COL10A1: variants seen among roughly 807,000 people sequenced by gnomAD.
The protein encoded by COL10A1 is collagen type X alpha 1 chain.
Under a neutral mutation model 18.2 loss-of-function variants are expected in COL10A1, and 10 were observed. The ratio of observed to expected loss-of-function variants is 0.55; its 90% CI spans 0.34 to 0.93. The LOEUF (loss-of-function observed/expected upper bound fraction) is 0.93. Ranked by LOEUF, COL10A1 falls within the 40% of genes least tolerant of loss-of-function variation. The probability of loss-of-function intolerance (pLI) is 0.02; values close to 1 mark genes in which losing one functional copy is unlikely to be tolerated. For missense variants in COL10A1, 897 were observed against 853.5 expected (o/e 1.05, Z -0.64); for synonymous variants, 330 against 316.6 (o/e 1.04, Z -0.45).
chr6:116,200,759 C>G, the COL10A1 span, among the ~76,000 whole-genome samples: 1 of 152,094 alleles, frequency 6.6e-6, no homozygotes, highest in Admixed American at 6.6e-5. Flanking sequence ...TAGCTTGGAG[C>G]AGTTTCAGGT....
intron 2 of COL10A1, among the ~76,000 whole-genome samples, chr6:116,123,471 C>G (rs970783129): frequency 6.6e-6 from 1 of 152,242 alleles, no homozygotes; most frequent in African/African-American, 2.4e-5. Context: ...ATGCCACAAA[C>G]TGAAATCGTG....
chr6:116,151,648 A>G (rs1780041837), intron 1 of COL10A1, among the ~76,000 whole-genome samples: 1 of 152,234 alleles, frequency 6.6e-6, no homozygotes, highest in Non-Finnish European at 1.5e-5. Context: ...TATTGGATTT[A>G]GGGTTACATT....
upstream of COL10A1, among the ~76,000 whole-genome samples, chr6:116,128,312 A>G (rs1053327853): frequency 2.6e-5 from 4 of 152,166 alleles, no homozygotes; most frequent in Admixed American, 1.3e-4. Context: ...TCCAAAACAG[A>G]TTGTAGAATC....
At chr6:116,203,913 T>G in the COL10A1 span, among the ~76,000 whole-genome samples, 1 of 151,932 alleles carries the variant, frequency 6.6e-6, no homozygotes, top group Non-Finnish European at 1.5e-5. Context: ...CTATAATTAT[T>G]ATCATAATTT....
At chr6:116,144,608 T>C (rs1214752984) in intron 1 of COL10A1, among the ~76,000 whole-genome samples, 2 of 152,186 alleles carry the variant, frequency 1.3e-5, no homozygotes, top group African/African-American at 4.8e-5. Context: ...AATATTTGGG[T>C]GTATTTAAAT....
chr6:116,130,156 C>G (rs1403387490), upstream of COL10A1, among the ~76,000 whole-genome samples: 2 of 152,024 alleles, frequency 1.3e-5, no homozygotes, highest in Admixed American at 1.3e-4. Context: ...AAGAAAAACA[C>G]CCCTTCATCA....
At chr6:116,135,862 T>C (rs1191826393) in intron 1 of COL10A1, among the ~76,000 whole-genome samples, 9 of 106,136 alleles carry the variant, frequency 8.5e-5, no homozygotes, top group African/African-American at 1.1e-4. Flanking sequence ...TATATATATA[T>C]ATATATATAT....
At chr6:116,146,463 G>A (rs887575399) in intron 1 of COL10A1, among the ~76,000 whole-genome samples, 2 of 152,160 alleles carry the variant, frequency 1.3e-5, no homozygotes, top group African/African-American at 4.8e-5. Context: ...CAAAATGGGG[G>A]AAAGAAATCC....
At chr6:116,158,054 T>G (rs886093802) in intron 1 of COL10A1, among the ~76,000 whole-genome samples, 4 of 152,216 alleles carry the variant, frequency 2.6e-5, no homozygotes, top group Non-Finnish European at 5.9e-5. Context: ...CATCACATAT[T>G]GGCAGCTTCA....
upstream of COL10A1, among the ~76,000 whole-genome samples, chr6:116,160,596 T>A (rs1582843564): frequency 6.6e-6 from 1 of 152,198 alleles, no homozygotes; most frequent in Admixed American, 6.5e-5. Context: ...TTATTTCTTG[T>A]CCTGTGCAGA....
chr6:116,200,030 A>G, the COL10A1 span, among the ~76,000 whole-genome samples: 1 of 151,832 alleles, frequency 6.6e-6, no homozygotes, highest in South Asian at 2.1e-4. Context: ...GCAGTGGGGC[A>G]ACCTGACAAA....
chr6:116,146,200 A>G (rs1215325464), intron 1 of COL10A1, among the ~76,000 whole-genome samples: 1 of 152,206 alleles, frequency 6.6e-6, no homozygotes, highest in Admixed American at 6.5e-5. Flanking sequence ...GGGATATGAT[A>G]AAGGAATATA....
intron 1 of COL10A1, among the ~76,000 whole-genome samples, chr6:116,157,232 T>TC (rs982708964): frequency 1.4e-4 from 21 of 152,278 alleles, no homozygotes; most frequent in African/African-American, 2.9e-4. Context: ...AAATGAGGAT[T>TC]CCCCCCCATA....
the COL10A1 span, among the ~76,000 whole-genome samples, chr6:116,168,343 T>C: frequency 6.6e-6 from 1 of 152,076 alleles, no homozygotes; most frequent in African/African-American, 2.4e-5. Context: ...ACCATTTTTC[T>C]AATTCTCTCT....
chr6:116,198,097 G>C, the COL10A1 span, among the ~76,000 whole-genome samples: 11 of 151,992 alleles, frequency 7.2e-5, no homozygotes, highest in Admixed American at 4.6e-4. Flanking sequence ...GTAAATAAAA[G>C]GGTTATTTCT....
upstream of COL10A1, among the ~76,000 whole-genome samples, chr6:116,162,764 G>C (rs1453961763): frequency 6.6e-6 from 1 of 152,104 alleles, no homozygotes; most frequent in African/African-American, 2.4e-5. Context: ...GCTGGATCTT[G>C]TTATTAGCAT....
At chr6:116,169,089 C>T in the COL10A1 span, among the ~76,000 whole-genome samples, 10 of 152,184 alleles carry the variant, frequency 6.6e-5, no homozygotes, top group African/African-American at 2.4e-4. Context: ...ACTTCTTAGG[C>T]TCTCCTTTAC....
upstream of COL10A1, among the ~76,000 whole-genome samples, chr6:116,162,327 G>T (rs577303666): frequency 2.6e-5 from 4 of 152,244 alleles, no homozygotes; most frequent in East Asian, 7.7e-4. Flanking sequence ...AATAGGAGTG[G>T]TGAAAGTGCA....
At chr6:116,160,073 C>T (rs1161756040), upstream of COL10A1, among the ~76,000 whole-genome samples, 1 of 152,102 alleles carries the variant, frequency 6.6e-6, no homozygotes, top group Admixed American at 6.6e-5. Flanking sequence ...GCTCAATAAA[C>T]ATATAAGTAC....
Sources: allele counts gnomAD v4.1 joint callset (sites outside exome capture counted in the v4.1 genomes callset), GRCh38; gene constraint gnomAD v4.1.1; transcripts MANE v1.5; gene names NCBI Gene and HGNC (gene_info 2026-07-23, HGNC 2026-07-21).